The following KIAA0232 variants were observed in gnomAD, a reference collection of about 807,000 sequenced individuals.
KIAA0232 encodes the protein uncharacterized protein KIAA0232.
Under a neutral mutation model 122.0 loss-of-function variants are expected in KIAA0232, and 27 were observed. That is an observed-to-expected ratio of 0.22 (90% confidence interval 0.16 to 0.31). The LOEUF is 0.31. Among genes scored for constraint, KIAA0232 ranks in the 10% least tolerant of loss-of-function variants. The pLI is 1.00. For missense variants in KIAA0232, 1,551 were observed against 1,634.2 expected (o/e 0.95, Z 0.88); for synonymous variants, 613 against 587.6 (o/e 1.04, Z -0.63).
In KIAA0232 at chr4:6,861,497, A is replaced by G. The variant is rs1423467898; in HGVS notation, c.1115A>G (p.Glu372Gly). The G allele has an allele frequency of 6.2e-7, 1 of 1,614,130 alleles. No homozygotes were observed. Residue 372 changes from glutamate to glycine, a missense_variant, in exon 7 of 10, where the codon GAA (glutamate) becomes GGA (glycine). Physicochemically the swap from Glu to Gly is moderately conservative, Grantham distance 98. This residue lies in a region of KIAA0232 where 377 missense variants were observed against 381.7 expected (regional missense o/e 0.99). Transcript: ENST00000307659. The part of the protein sequence containing the change: ...LCKRGKRPLK[E>G]IGRKDPGSTE... Reference sequence around the variant, plus strand: ...AAGCGGGGTAAGAGACCTTTAAAAGAAATAGGGAGAAAAGATCCTGGGAGC... The same window carrying G: ...AAGCGGGGTAAGAGACCTTTAAAAGGAATAGGGAGAAAAGATCCTGGGAGC...
At position 6,877,585 on chromosome 4, in the gene KIAA0232, C is replaced by T. The variant is rs1244481619; in HGVS notation, c.4008+828C>T. On this transcript the variant is annotated intron_variant, in intron 9 of 9. Coordinates refer to ENST00000307659, the MANE Select transcript of KIAA0232 (RefSeq NM_014743.3). Reference sequence around the variant, plus strand: ...GGAGGAAGGAGAGCCAGTCCCAGTCCCAGTCCCAAAACTGAAGAACTTGGA... The same window carrying T: ...GGAGGAAGGAGAGCCAGTCCCAGTCTCAGTCCCAAAACTGAAGAACTTGGA... 2.6e-5 allele frequency among the ~76,000 whole-genome samples: 4 copies of T among 152,208 alleles called. No homozygotes were observed. The East Asian group carries it at 7.7e-4, about 29-fold the overall frequency.
At chr4:6,867,207 G>A (rs576154650) in intron 7 of KIAA0232, among the ~76,000 whole-genome samples, 37 of 152,328 alleles carry the variant, frequency 2.4e-4, no homozygotes, top group African/African-American at 7.9e-4. Flanking sequence ...TTTAGGTGCT[G>A]TAGGTAGAAT....
In KIAA0232 at chr4:6,862,735, A is replaced by G. The variant is rs1720945009; in HGVS notation, c.2353A>G (p.Thr785Ala). 1 of 1,610,506 alleles carries G rather than the reference A, an allele frequency of 6.2e-7. No individual in the cohort carries two copies. The highest frequency in any genetic ancestry group is 1.7e-5 in the Admixed American group (1 of 59,142). ...GATTCCTACATTAGTTTTCAAAAAA[A>G]CATCTAAACTAGAATCCGTCTGTGG... ...GEIPTLVFKK[T>A]SKLESVCGIQ... The change falls in exon 7 of 10, where the codon ACA becomes GCA. Residue 785 changes from threonine (T) to alanine (A), a missense_variant. By Grantham distance (58) the Thr-to-Ala change is moderately conservative. Coordinates refer to ENST00000307659, the MANE Select transcript of KIAA0232 (RefSeq NM_014743.3).
intron 1 of KIAA0232, among the ~76,000 whole-genome samples, chr4:6,799,596 A>G (rs1189111195): frequency 6.6e-6 from 1 of 152,194 alleles, no homozygotes; most frequent in Admixed American, 6.5e-5. Context: ...GCATAGCCTA[A>G]GACTACATAA....
At chr4:6,784,934 T>C (rs1042711599) in intron 1 of KIAA0232, among the ~76,000 whole-genome samples, 1 of 145,456 alleles carries the variant, frequency 6.9e-6, no homozygotes. Flanking sequence ...GAAGATCAGA[T>C]GAATTTTTTT....
chr4:6,795,173 C>T (rs1178240004), intron 1 of KIAA0232, among the ~76,000 whole-genome samples: 1 of 152,158 alleles, frequency 6.6e-6, no homozygotes, highest in African/African-American at 2.4e-5. Flanking sequence ...CGGGTTCATG[C>T]CATTCTCTTG....
chr4:6,790,622 C>T (rs1003911012), intron 1 of KIAA0232, among the ~76,000 whole-genome samples: 2 of 151,938 alleles, frequency 1.3e-5, no homozygotes, highest in Middle Eastern at 3.4e-3. Context: ...TGGCCTCAAG[C>T]GATCCTCCCG....
Position 6,863,548 on chromosome 4 carries a change from T to G in KIAA0232, c.3166T>G (p.Cys1056Gly). The change falls in exon 7 of 10, where the codon TGC becomes GGC. Residue 1056 changes from cysteine to glycine, a missense_variant. This residue lies in a region of KIAA0232 where 1,108 missense variants were observed against 1,154.8 expected (regional missense o/e 0.96). Transcript: ENST00000307659. ...ATTTTCACAAGTTCTTCATGTAGAA[T>G]GCTCATTTGAACCTGAAGGGATTGC... ...NPFSQVLHVE[C>G]SFEPEGIASF... The G allele has an allele frequency of 6.2e-7, 1 of 1,614,230 alleles. No individual in the cohort carries two copies. The highest frequency in any genetic ancestry group is 1.1e-5 in the South Asian group (1 of 91,088).
intron 3 of KIAA0232, among the ~76,000 whole-genome samples, chr4:6,830,742 C>T (rs898350266): frequency 5.9e-5 from 9 of 152,062 alleles, no homozygotes; most frequent in Admixed American, 3.9e-4. Context: ...CCCTACCCTG[C>T]CCGCTGTAAG....
intron 9 of KIAA0232, 32 bp from the exon 10 acceptor site, chr4:6,880,753 CTT>C (rs1246709365): frequency 6.9e-7 from 1 of 1,447,522 alleles, no homozygotes; most frequent in African/African-American, 1.4e-5. Flanking sequence ...AAAAAAAAGT[CTT>C]TTTGATGTGT....
At chr4:6,813,939 G>A (rs1560169947) in intron 2 of KIAA0232, among the ~76,000 whole-genome samples, 2 of 151,948 alleles carry the variant, frequency 1.3e-5, no homozygotes, top group Admixed American at 6.6e-5. Flanking sequence ...TGTCACTGCC[G>A]GGCAGCACAG....
Position 6,863,540 on chromosome 4 carries a change from A to G in KIAA0232, c.3158A>G (p.His1053Arg), listed in dbSNP as rs374664960. ...DLSNPFSQVLHVECSFEPEGI... is the reference protein window; with the variant it reads ...DLSNPFSQVLRVECSFEPEGI... Reference sequence around the variant, plus strand: ...AGCAATCCATTTTCACAAGTTCTTCATGTAGAATGCTCATTTGAACCTGAA... The same window carrying G: ...AGCAATCCATTTTCACAAGTTCTTCGTGTAGAATGCTCATTTGAACCTGAA... The change falls in exon 7 of 10, where the codon CAT becomes CGT. Residue 1053 changes from histidine (H) to arginine (R), a missense_variant. His to Arg is a conservative substitution (Grantham distance 29). Transcript: ENST00000307659. 11 of 1,614,052 alleles carry G rather than the reference A, an allele frequency of 6.8e-6. No homozygotes were observed. Among genetic ancestry groups the G allele is most frequent in the South Asian group, 2.2e-5 (2 of 91,088 alleles).
intron 3 of KIAA0232, among the ~76,000 whole-genome samples, chr4:6,838,655 A>T (rs756212306): frequency 1.2e-4 from 18 of 150,998 alleles, no homozygotes; most frequent in Non-Finnish European, 2.1e-4. Context: ...GTTAAGATAT[A>T]TGCCAACTGT....
intron 4 of KIAA0232, among the ~76,000 whole-genome samples, chr4:6,851,199 C>T (rs1176391559): frequency 6.6e-6 from 1 of 152,168 alleles, no homozygotes; most frequent in African/African-American, 2.4e-5. Context: ...AAGAGTTCAT[C>T]CTTCCTAGAT....
In KIAA0232 at chr4:6,862,622, C is replaced by T; in HGVS notation, c.2240C>T (p.Pro747Leu). 1 of 1,613,470 alleles carries T rather than the reference C, an allele frequency of 6.2e-7. No homozygotes were observed. The highest frequency in any genetic ancestry group is 2.2e-5 in the East Asian group (1 of 44,856). Residue 747 changes from proline to leucine, a missense_variant, in exon 7 of 10, where the codon CCT becomes CTT. Physicochemically the swap from Pro to Leu is moderately conservative, Grantham distance 98 (BLOSUM62 -3). Around this residue, in one of 5 missense-constraint regions of KIAA0232, gnomAD observed 1,108 missense variants for 1,154.8 expected, o/e 0.96. Transcript: ENST00000307659. Reference sequence around the variant, plus strand: ...GCCGAAGATATTAATTATGTAGTTCCTAGAGTCTCGTCAAATTATGTAGAT... The same window carrying T: ...GCCGAAGATATTAATTATGTAGTTCTTAGAGTCTCGTCAAATTATGTAGAT... ...FNAEDINYVV[P>L]RVSSNYVDEE...
chr4:6,857,945 C>G (rs1186725982), intron 5 of KIAA0232, among the ~76,000 whole-genome samples: 1 of 152,096 alleles, frequency 6.6e-6, no homozygotes, highest in African/African-American at 2.4e-5. Flanking sequence ...AAGGGATAGC[C>G]CTTTTTCCTG....
intron 1 of KIAA0232, among the ~76,000 whole-genome samples, chr4:6,802,094 A>G (rs182432646): frequency 6.6e-6 from 1 of 152,266 alleles, no homozygotes; most frequent in Admixed American, 6.5e-5. Context: ...AATGCAGACA[A>G]TTTAGCATGC....
At chr4:6,843,730 G>A (rs1024619213) in intron 4 of KIAA0232, among the ~76,000 whole-genome samples, 1 of 151,776 alleles carries the variant, frequency 6.6e-6, no homozygotes, top group Admixed American at 6.6e-5. Flanking sequence ...GGATCATGCC[G>A]CCGCACTCCA....
intron 9 of KIAA0232, among the ~76,000 whole-genome samples, chr4:6,877,030 A>G (rs1721793699): frequency 6.6e-6 from 1 of 151,810 alleles, no homozygotes; most frequent in African/African-American, 2.4e-5. Flanking sequence ...GCCCGAGGGC[A>G]TTGCATTACA....
Sources: allele counts gnomAD v4.1 joint callset (sites outside exome capture counted in the v4.1 genomes callset), GRCh38; gene constraint gnomAD v4.1.1; regional missense constraint gnomAD v4.1.1; transcripts MANE v1.5; gene names NCBI Gene and HGNC (gene_info 2026-07-23, HGNC 2026-07-21).